KIAA0040: variants seen among roughly 807,000 people sequenced by gnomAD.
KIAA0040 encodes the protein uncharacterized protein KIAA0040.
Under a neutral mutation model 7.2 loss-of-function variants are expected in KIAA0040, and 10 were observed. The observed-to-expected ratio is 1.38, with a 90% confidence interval of 0.85 to 2.34. The LOEUF (loss-of-function observed/expected upper bound fraction) is 2.34, where lower values mean the gene tolerates loss of function less well. Ranked by LOEUF, KIAA0040 falls within the 30% of genes most tolerant of loss-of-function variation. The pLI is 0.00. For synonymous variants in KIAA0040, 49 were observed against 40.1 expected, an observed-to-expected ratio of 1.22 and a Z score of -0.84; for missense variants, 89 against 108.2, an observed-to-expected ratio of 0.82 and a Z score of 0.79.
At chr1:175,166,533 T>C (rs2101882198) in intron 3 of KIAA0040, 29 bp downstream of exon 3, 1 of 152,260 alleles carries the variant, frequency 6.6e-6, no homozygotes, top group African/African-American at 2.4e-5. Context: ...GGAAGAATCA[T>C]GGGTGAGGAG....
intron 2 of KIAA0040, among the ~76,000 whole-genome samples, chr1:175,172,689 T>C (rs770907516): frequency 7.2e-5 from 11 of 152,270 alleles, no homozygotes; most frequent in Non-Finnish European, 1.5e-4. Flanking sequence ...TATTGCCATC[T>C]TTCTCAGAGG....
chr1:175,189,194 GGC>G (rs1304546644), intron 1 of KIAA0040, among the ~76,000 whole-genome samples: 1 of 152,138 alleles, frequency 6.6e-6, no homozygotes, highest in Non-Finnish European at 1.5e-5. Context: ...TTTTGACGTT[GGC>G]ATAACATTCC....
At chr1:175,164,699 C>T (rs1363959146) in intron 3 of KIAA0040, among the ~76,000 whole-genome samples, 1 of 152,162 alleles carries the variant, frequency 6.6e-6, no homozygotes, top group Non-Finnish European at 1.5e-5. Context: ...GGGGAAAATT[C>T]GATTAAAAGG....
At chr1:175,184,418 C>T (rs1677575302) in intron 1 of KIAA0040, among the ~76,000 whole-genome samples, 1 of 152,196 alleles carries the variant, frequency 6.6e-6, no homozygotes, top group South Asian at 2.1e-4. Flanking sequence ...TCCCTCTTCC[C>T]TTGTCTTCTT....
chr1:175,167,408 C>T (rs1014656033), intron 2 of KIAA0040, among the ~76,000 whole-genome samples: 1 of 152,120 alleles, frequency 6.6e-6, no homozygotes. Flanking sequence ...ATTAGATGAA[C>T]AAATTAGACC....
chr1:175,165,545 T>A (rs1162131270), intron 3 of KIAA0040, among the ~76,000 whole-genome samples: 1 of 152,166 alleles, frequency 6.6e-6, no homozygotes, highest in East Asian at 1.9e-4. Flanking sequence ...TCAGAAATAA[T>A]CTCCCTAATA....
rs143485260 is a variant in KIAA0040 at position 175,163,335 on chromosome 1, T to C, written c.-133-2189A>G. 2.1e-4 allele frequency among the ~76,000 whole-genome samples: 32 copies of C among 152,334 alleles called. No homozygotes were observed. In the East Asian group the frequency reaches 5.0e-3, roughly 24 times the overall value. On this transcript the variant is annotated intron_variant, in intron 3 of 3. Coordinates refer to ENST00000423313, the MANE Select transcript of KIAA0040 (RefSeq NM_014656.3). ...CCCAAATGCATGAAGATACATAAAA[T>C]AAAAACAAAGTTCTGCCCAAGTGCA...
chr1:175,160,481 A>T lies in KIAA0040; in HGVS notation c.*233T>A, dbSNP rs1227760583. 1.9e-6 allele frequency: 1 copy of T among 519,776 alleles called. No individual in the cohort carries two copies. Among genetic ancestry groups the T allele is most frequent in the African/African-American group, 1.9e-5 (1 of 52,348 alleles). The allele number at this position is 519,776 out of a possible 1,614,324, so 32.2% of individuals were successfully genotyped here. A position where few individuals can be genotyped will look rare whatever the true frequency, so the allele number is the denominator to read the frequency against. On this transcript the variant is annotated 3_prime_UTR_variant, in exon 4 of 4. Transcript: ENST00000423313. ...AGGTGGGAGGCATGCCTGGGTCTGCAGTAAGGAGCATTGCTATTGGACACA... is the reference window on the plus strand; with the variant it reads ...AGGTGGGAGGCATGCCTGGGTCTGCTGTAAGGAGCATTGCTATTGGACACA...
chr1:175,166,988 C>T (rs1676789652), intron 2 of KIAA0040, among the ~76,000 whole-genome samples: 2 of 152,190 alleles, frequency 1.3e-5, no homozygotes, highest in African/African-American at 4.8e-5. Context: ...GATCCCTGTC[C>T]TTTCTGTGCT....
intron 1 of KIAA0040, among the ~76,000 whole-genome samples, chr1:175,180,122 G>A (rs1677377653): frequency 6.6e-6 from 1 of 152,104 alleles, no homozygotes; most frequent in Non-Finnish European, 1.5e-5. Context: ...TGTTGCCCTG[G>A]GGAAACCTTC....
chr1:175,185,887 A>G (rs1677639739), intron 1 of KIAA0040, among the ~76,000 whole-genome samples: 1 of 152,264 alleles, frequency 6.6e-6, no homozygotes, highest in African/African-American at 2.4e-5. Context: ...TACATGCTAC[A>G]ACATACATCA....
chr1:175,183,616 C>T (rs1677532470), intron 1 of KIAA0040, among the ~76,000 whole-genome samples: 1 of 152,202 alleles, frequency 6.6e-6, no homozygotes, highest in African/African-American at 2.4e-5. Context: ...CAGCTTATGG[C>T]TCAGGTAAGT....
chr1:175,189,664 G>A (rs1022574570), intron 1 of KIAA0040, among the ~76,000 whole-genome samples: 55 of 152,160 alleles, frequency 3.6e-4, no homozygotes, highest in Non-Finnish European at 5.9e-5. Context: ...TACACAGTCC[G>A]TCTAATTTTG....
At position 175,169,470 on chromosome 1, in the gene KIAA0040, C is replaced by T. The variant is rs887601332; in HGVS notation, c.-309-2733G>A. ...AAATGAGTCAGTAGAAGTAGAGTGC[C>T]TCAGAGCCTTGCCTAGCAATAAAAG... On this transcript the variant is annotated intron_variant, in intron 2 of 3. Transcript: ENST00000423313. Among the ~76,000 whole-genome samples the T allele has an allele frequency of 1.6e-4, 24 of 152,276 alleles. 1 individual carries two copies. Among genetic ancestry groups the T allele is most frequent in the Admixed American group, 1.2e-3 (18 of 15,294 alleles).
At chr1:175,173,958 GC>G (rs148428287) in intron 2 of KIAA0040, among the ~76,000 whole-genome samples, 4,907 of 152,146 alleles carry the variant, frequency 0.032, 276 homozygotes, top group African/African-American at 0.11. Context: ...CTAAGATTTG[GC>G]CACACTAACC....
intron 1 of KIAA0040, among the ~76,000 whole-genome samples, chr1:175,186,277 G>A (rs1273470531): frequency 6.6e-6 from 1 of 152,156 alleles, no homozygotes; most frequent in Non-Finnish European, 1.5e-5. Flanking sequence ...GAATGGCAGA[G>A]TTTCCCTTAT....
Position 175,174,139 on chromosome 1 carries a change from T to A in KIAA0040, c.-310+3472A>T, listed in dbSNP as rs1254733555. Among the ~76,000 whole-genome samples, 4 of 151,722 alleles carry A rather than the reference T, an allele frequency of 2.6e-5. No homozygotes were observed. In the East Asian group the frequency reaches 7.8e-4, roughly 30 times the overall value. ...CCTGGATTATAAACTCACTCAGGAGTAGGAACTATGGTACATGTTCTCTGT... is the reference window on the plus strand; with the variant it reads ...CCTGGATTATAAACTCACTCAGGAGAAGGAACTATGGTACATGTTCTCTGT... On this transcript the variant is annotated intron_variant, in intron 2 of 3. Coordinates refer to ENST00000423313, the MANE Select transcript of KIAA0040 (RefSeq NM_014656.3).
chr1:175,173,441 T>C (rs373880388), intron 2 of KIAA0040, among the ~76,000 whole-genome samples: 1 of 152,324 alleles, frequency 6.6e-6, no homozygotes, highest in South Asian at 2.1e-4. Flanking sequence ...ACTCAAGAGA[T>C]AGGCTTTTTT....
intron 1 of KIAA0040, among the ~76,000 whole-genome samples, chr1:175,189,994 C>G (rs1212903077): frequency 6.6e-6 from 1 of 152,182 alleles, no homozygotes; most frequent in Non-Finnish European, 1.5e-5. Flanking sequence ...TAAATAACTA[C>G]TCTGTAGGGG....
Sources: gnomAD v4.1 joint callset for allele counts (sites outside exome capture counted in the v4.1 genomes callset) on GRCh38, gnomAD v4.1.1 for gene constraint, MANE v1.5 for transcripts, NCBI Gene and HGNC (gene_info 2026-07-23, HGNC 2026-07-21) for gene names.